Variants in HEATR5A observed in about 807,000 individuals in gnomAD.
HEATR5A encodes the protein HEAT repeat-containing protein 5A.
In HEATR5A, 178 loss-of-function variants were observed where a neutral mutation model predicts 218.8. The observed-to-expected ratio is 0.81, with a 90% CI of 0.72 to 0.92. The LOEUF (loss-of-function observed/expected upper bound fraction) is 0.92, where lower values mean the gene tolerates loss of function less well. Among genes scored for constraint, HEATR5A ranks in the 40% least tolerant of loss-of-function variants. The probability of loss-of-function intolerance (pLI) is 0.00; values close to 1 mark genes in which losing one functional copy is unlikely to be tolerated. For missense variants in HEATR5A, 2,420 were observed against 2,418.9 expected, an observed-to-expected ratio of 1.00 and a Z score of -0.01; for synonymous variants, 864 against 871.6, an observed-to-expected ratio of 0.99 and a Z score of 0.15.
At chr14:31,331,152 C>G (rs1054073304) in intron 22 of HEATR5A, among the ~76,000 whole-genome samples, 6 of 151,942 alleles carry the variant, frequency 3.9e-5, no homozygotes, top group Admixed American at 3.9e-4. Flanking sequence ...TTTGACCAGG[C>G]TGGTCTCAAA....
At chr14:31,302,081 C>T (rs1899402050) in intron 33 of HEATR5A, among the ~76,000 whole-genome samples, 1 of 151,868 alleles carries the variant, frequency 6.6e-6, no homozygotes, top group South Asian at 2.1e-4. Context: ...ATCCACCTGA[C>T]TTGGCCTCCC....
intron 2 of HEATR5A, among the ~76,000 whole-genome samples, chr14:31,402,094 A>G (rs1453605404): frequency 6.6e-6 from 1 of 152,106 alleles, no homozygotes; most frequent in Non-Finnish European, 1.5e-5. Flanking sequence ...TGATAACTAG[A>G]GTCACACAGC....
rs527328271 is a variant in HEATR5A at position 31,330,796 on chromosome 14, A to C, written c.3368-4454T>G. Among the ~76,000 whole-genome samples, 87 of 151,770 alleles carry C rather than the reference A, an allele frequency of 5.7e-4. 1 individual carries two copies. The highest frequency in any genetic ancestry group is 1.8e-3 in the African/African-American group (76 of 41,422). ...ACAGAGTGAGACTCTGTCTCAAAAA[A>C]AGAAAGATTAACATTTGACTCCTTG... is the stretch of plus-strand genomic sequence containing the variant. On this transcript the variant is annotated intron_variant, in intron 22 of 35. Coordinates refer to ENST00000543095, the MANE Select transcript of HEATR5A (RefSeq NM_015473.4).
At chr14:31,340,648 G>T (rs933140462) in intron 21 of HEATR5A, among the ~76,000 whole-genome samples, 2 of 152,212 alleles carry the variant, frequency 1.3e-5, no homozygotes, top group African/African-American at 2.4e-5. Context: ...CCAACAAAAT[G>T]AGTTGAGCCA....
At chr14:31,303,758 A>G (rs1899465033) in intron 32 of HEATR5A, among the ~76,000 whole-genome samples, 1 of 152,202 alleles carries the variant, frequency 6.6e-6, no homozygotes, top group African/African-American at 2.4e-5. Flanking sequence ...AAAATTTTAA[A>G]AAGCAGATAA....
intron 19 of HEATR5A, among the ~76,000 whole-genome samples, chr14:31,347,399 A>G (rs1901059100): frequency 6.6e-6 from 1 of 152,120 alleles, no homozygotes; most frequent in South Asian, 2.1e-4. Context: ...TTTTGTAGAG[A>G]CAGTGTTTTA....
intron 21 of HEATR5A, among the ~76,000 whole-genome samples, chr14:31,342,253 T>A (rs959343161): frequency 1.3e-5 from 2 of 151,958 alleles, no homozygotes; most frequent in Non-Finnish European, 2.9e-5. Flanking sequence ...CTAGGTGTGG[T>A]GGTACTTTAC....
At chr14:31,360,016 T>G (rs1419043258) in intron 14 of HEATR5A, among the ~76,000 whole-genome samples, 2 of 150,038 alleles carry the variant, frequency 1.3e-5, no homozygotes, top group Non-Finnish European at 3.0e-5. Context: ...ACATTTTATT[T>G]TGAACATAAT....
At position 31,344,027 on chromosome 14, in the gene HEATR5A, G is replaced by A. The variant is rs531583122; in HGVS notation, c.3097C>T (p.Leu1033=). ...TCTTGCATTACTGCACAACCCAGTA[G>A]ACAGGAAGTCCTTAAGGTAGAAATT... ...TSISTLRTSC[L]LGCAVMQDNP... Residue 1033 remains leucine, a synonymous_variant, in exon 21 of 36, where the codon CTA becomes TTA. Transcript: ENST00000543095. 7 of 1,582,042 alleles carry A rather than the reference G, an allele frequency of 4.4e-6. No individual in the cohort carries two copies. In the South Asian group the frequency reaches 8.2e-5, roughly 19 times the overall value.
chr14:31,398,491 C>G (rs1261745001), intron 4 of HEATR5A, among the ~76,000 whole-genome samples, 182 bp downstream of exon 4: 1 of 152,178 alleles, frequency 6.6e-6, no homozygotes, highest in Non-Finnish European at 1.5e-5. Context: ...TACTATTTTT[C>G]TAACTGGGAT....
rs149655025 is a variant in HEATR5A at position 31,314,683 on chromosome 14, G to T, written c.4218+1087C>A. Among the ~76,000 whole-genome samples the T allele has an allele frequency of 4.5e-3, 690 of 152,218 alleles. 2 individuals carry two copies. The highest frequency in any genetic ancestry group is 0.016 in the African/African-American group (653 of 41,540). On this transcript the variant is annotated intron_variant, in intron 27 of 35. Coordinates refer to ENST00000543095, the MANE Select transcript of HEATR5A (RefSeq NM_015473.4). ...CCTAAAGTGTTGGGATTACAAGCATGAGCCACTGCACCTGGCCAGACCCAG... is the reference window on the plus strand; with the variant it reads ...CCTAAAGTGTTGGGATTACAAGCATTAGCCACTGCACCTGGCCAGACCCAG...
At chr14:31,390,477 C>T (rs1286439319) in intron 6 of HEATR5A, among the ~76,000 whole-genome samples, 2 of 151,964 alleles carry the variant, frequency 1.3e-5, no homozygotes, top group Non-Finnish European at 2.9e-5. Context: ...AATCTGGATA[C>T]ACATAAATAT....
chr14:31,365,596 G>A (rs555081289), intron 13 of HEATR5A, among the ~76,000 whole-genome samples: 1 of 151,694 alleles, frequency 6.6e-6, no homozygotes, highest in Non-Finnish European at 1.5e-5. Context: ...TCCTGACCTC[G>A]TGATGCACCC....
chr14:31,313,118 C>CAGGTGGTA lies in HEATR5A; in HGVS notation c.4290_4291insTACCACCT (p.Gly1431TyrfsTer18). On this transcript the variant is annotated frameshift_variant, in exon 28 of 36. Coordinates refer to ENST00000543095, the MANE Select transcript of HEATR5A (RefSeq NM_015473.4). LOFTEE classifies it high-confidence loss of function. ...GATGAACATGATCCATTTCTGATAC[C>CAGGTGGTA]GTCTTCTAAACAGGTGGTAGTCTTC... 3 of 1,613,804 alleles carry CAGGTGGTA rather than the reference C, an allele frequency of 1.9e-6. No individual in the cohort carries two copies. Among genetic ancestry groups the CAGGTGGTA allele is most frequent in the Non-Finnish European group, 2.5e-6 (3 of 1,179,802 alleles).
rs546739835 is a variant in HEATR5A at position 31,306,883 on chromosome 14, T to A, written c.4819-4A>T. On this transcript the variant is annotated splice_region_variant and splice_polypyrimidine_tract_variant and intron_variant, in intron 30 of 35. Coordinates refer to ENST00000543095, the MANE Select transcript of HEATR5A (RefSeq NM_015473.4). ...TCAGCAATTCTATACCCAAGTCCTA[T>A]CATGGAAATCATGTACAGGACACTG... 6.3e-7 allele frequency: 1 copy of A among 1,596,714 alleles called. No homozygotes were observed. Among genetic ancestry groups the A allele is most frequent in the Admixed American group, 1.7e-5 (1 of 58,340 alleles).
rs1900172400 is a variant in HEATR5A at position 31,323,501 on chromosome 14, A to T, written c.3787+64T>A. ...AAAATATTTTAATATTTTAAATATT[A>T]AAACCATAAGCAGACAGCATTTTTA... On this transcript the variant is annotated intron_variant, in intron 24 of 35. Transcript: ENST00000543095. The T allele has an allele frequency of 1.0e-5, 13 of 1,305,266 alleles. No individual in the cohort carries two copies. The South Asian group carries it at 2.1e-4, about 21-fold the overall frequency. 80.9% of individuals were successfully genotyped at this position (1,305,266 alleles called of 1,614,324 possible). A position where few individuals can be genotyped will look rare whatever the true frequency, so the allele number is the denominator to read the frequency against.
At chr14:31,335,997 T>G (rs554062349) in intron 22 of HEATR5A, among the ~76,000 whole-genome samples, 1 of 149,906 alleles carries the variant, frequency 6.7e-6, no homozygotes, top group African/African-American at 2.4e-5. Flanking sequence ...GGAGTCAGTG[T>G]TTTGATCTGT....
chr14:31,372,211 A>C (rs945207922), intron 12 of HEATR5A, among the ~76,000 whole-genome samples: 2 of 151,986 alleles, frequency 1.3e-5, no homozygotes, highest in African/African-American at 4.8e-5. Context: ...AAAAAAAAAA[A>C]AACCAGCTTA....
chr14:31,337,581 T>C lies in HEATR5A; in HGVS notation c.3262A>G (p.Arg1088Gly). ...TGACGTAAGCAAGCCAGTACTGCTC[T>C]TCTCAGTAACAAGTAGGGGCTACAA... ...NLCSPYLLLR[R>G]AVLACLRQLV... is the part of the protein sequence containing the mutation. Residue 1088 changes from arginine (R) to glycine (G), a missense_variant, in exon 22 of 36, where the codon AGA (arginine) becomes GGA (glycine). Coordinates refer to ENST00000543095, the MANE Select transcript of HEATR5A (RefSeq NM_015473.4). The C allele has an allele frequency of 6.2e-7, 1 of 1,600,542 alleles. No individual in the cohort carries two copies. Among genetic ancestry groups the C allele is most frequent in the Non-Finnish European group, 8.5e-7 (1 of 1,173,366 alleles).
Sources: gnomAD v4.1 joint callset for allele counts (sites outside exome capture counted in the v4.1 genomes callset) on GRCh38, gnomAD v4.1.1 for gene constraint, MANE v1.5 for transcripts, NCBI Gene and HGNC (gene_info 2026-07-23, HGNC 2026-07-21) for gene names.